The following ANKRD28 variants were observed in gnomAD, a reference collection of about 807,000 sequenced individuals.
ANKRD28 encodes the protein ankyrin repeat domain 28, also known as serine/threonine-protein phosphatase 6 regulatory ankyrin repeat subunit A.
A neutral mutation model predicts 126.5 loss-of-function variants in ANKRD28; 44 were observed. That is an observed-to-expected ratio of 0.35 (90% CI 0.27 to 0.45). The LOEUF is 0.45. Among genes scored for constraint, ANKRD28 ranks in the 20% least tolerant of loss-of-function variants. The pLI, the probability that ANKRD28 is intolerant of heterozygous loss-of-function variation, is 1.00. For missense variants in ANKRD28, 1,110 were observed against 1,316.6 expected, an observed-to-expected ratio of 0.84 and a Z score of 2.43; for synonymous variants, 442 against 468.5, an observed-to-expected ratio of 0.94 and a Z score of 0.73.
chr3:15,794,428 C>T (rs549708219), intron 2 of ANKRD28, among the ~76,000 whole-genome samples: 2 of 152,210 alleles, frequency 1.3e-5, no homozygotes, highest in African/African-American at 4.8e-5. Flanking sequence ...GGTGTTGCCA[C>T]AGCGACTTTG....
At chr3:15,803,936 C>T (rs566793647) in intron 1 of ANKRD28, among the ~76,000 whole-genome samples, 1 of 145,194 alleles carries the variant, frequency 6.9e-6, no homozygotes, top group South Asian at 2.3e-4. Flanking sequence ...AAGTTGCCTA[C>T]ATCTAGGTGA....
intron 10 of ANKRD28, 54 bp from the exon 11 acceptor site, chr3:15,712,276 T>A (rs1225497867): frequency 1.5e-6 from 2 of 1,368,568 alleles, no homozygotes; most frequent in Non-Finnish European, 2.0e-6. Flanking sequence ...AAAAATACAA[T>A]CAGTTAAATA....
In ANKRD28 at chr3:15,823,346, G is replaced by A. The variant is rs192061080; in HGVS notation, c.28-28040C>T. On this transcript the variant is annotated intron_variant, in intron 1 of 27. Coordinates refer to the ANKRD28 transcript ENST00000399451. ...GTGCAGCCAGTTCCTAATGGGCCGT[G>A]GACCATCTGTGGCCTGGCAGTCGCG... 3.3e-4 allele frequency among the ~76,000 whole-genome samples: 50 copies of A among 152,214 alleles called. 1 individual carries two copies. Among genetic ancestry groups the A allele is most frequent in the Admixed American group, 6.5e-4 (10 of 15,302 alleles).
chr3:15,854,771 C>T lies in ANKRD28; in HGVS notation c.27+4606G>A, dbSNP rs1308065667. On this transcript the variant is annotated intron_variant, in intron 1 of 27. Transcript: ENST00000399451. This position sits in a 1 kb window ranked among gnomAD's most constrained non-coding sequence, Gnocchi z 4.1. The stretch of plus-strand genomic sequence containing the variant: ...CTCCAGCACAAAACAGGAAGACACG[C>T]CAGGCATGGTGGCTCACGCCTGTAA... Among the ~76,000 whole-genome samples the T allele has an allele frequency of 4.6e-5, 7 of 152,040 alleles. No individual in the cohort carries two copies. The highest frequency in any genetic ancestry group is 1.7e-4 in the African/African-American group (7 of 41,392).
upstream of ANKRD28, among the ~76,000 whole-genome samples, chr3:15,802,054 C>T (rs2125855225): frequency 6.6e-6 from 1 of 152,314 alleles, no homozygotes; most frequent in East Asian, 1.9e-4. Flanking sequence ...GTCCATTCCT[C>T]CAGGCTTCCA....
Position 15,695,186 on chromosome 3 carries a change from A to T in ANKRD28, c.1686+2T>A. Reference sequence around the variant, plus strand: ...GGTGGGAGGGAATTGACTAATACTTACAACATCTAGAGGAGTTTCACTTGC... The same window carrying T: ...GGTGGGAGGGAATTGACTAATACTTTCAACATCTAGAGGAGTTTCACTTGC... On this transcript the variant is annotated splice_donor_variant, in intron 16 of 27. Coordinates refer to ENST00000683139, the MANE Select transcript of ANKRD28 (RefSeq NM_001349278.2). LOFTEE classifies it high-confidence loss of function. 6.3e-7 allele frequency: 1 copy of T among 1,595,028 alleles called. No homozygotes were observed. The highest frequency in any genetic ancestry group is 8.6e-7 in the Non-Finnish European group (1 of 1,167,790).
Position 15,696,130 on chromosome 3 carries a change from T to C in ANKRD28, c.1659+4A>G. 1.3e-6 allele frequency: 2 copies of C among 1,552,108 alleles called. No homozygotes were observed. The highest frequency in any genetic ancestry group is 1.3e-5 in the African/African-American group (1 of 74,218). Reference sequence around the variant, plus strand: ...GGTCTTTCACAAGAATTCAGGAATCTTACCAGCTGAAGACATAGACGGTGA... The same window carrying C: ...GGTCTTTCACAAGAATTCAGGAATCCTACCAGCTGAAGACATAGACGGTGA... On this transcript the variant is annotated splice_donor_region_variant and intron_variant, in intron 15 of 27. Coordinates refer to ENST00000683139, the MANE Select transcript of ANKRD28 (RefSeq NM_001349278.2).
Position 15,696,212 on chromosome 3 carries a change from A to T in ANKRD28, c.1581T>A (p.Asn527Lys). 1 of 1,590,302 alleles carries T rather than the reference A, an allele frequency of 6.3e-7. No homozygotes were observed. The highest frequency in any genetic ancestry group is 2.3e-5 in the East Asian group (1 of 44,332). The change falls in exon 15 of 28, where the codon AAT becomes AAA. Residue 527 changes from asparagine (N) to lysine (K), a missense_variant. Asn to Lys is a moderately conservative substitution (Grantham distance 94). Coordinates refer to ENST00000683139, the MANE Select transcript of ANKRD28 (RefSeq NM_001349278.2). The stretch of plus-strand genomic sequence containing the variant: ...ATCCTTGCTTATCACGGATCCCTGG[A>T]TTTGCATCGTTTCTTAATAAGTATT... The part of the protein sequence containing the change: ...CLEYLLRNDA[N>K]PGIRDKQGYN...
At chr3:15,720,833 T>A in intron 8 of ANKRD28, 82 bp downstream of exon 8, 2 of 1,249,050 alleles carry the variant, frequency 1.6e-6, no homozygotes, top group East Asian at 4.8e-5. Context: ...ATATTCCTTT[T>A]TATTGCTCAA....
chr3:15,730,430 C>A (rs757459782), intron 6 of ANKRD28, among the ~76,000 whole-genome samples: 2 of 152,108 alleles, frequency 1.3e-5, no homozygotes, highest in Non-Finnish European at 2.9e-5. Context: ...AGGAAATTAA[C>A]GGAGCCTCAA....
chr3:15,831,146 G>A (rs1366078137), intron 1 of ANKRD28, among the ~76,000 whole-genome samples: 1 of 152,076 alleles, frequency 6.6e-6, no homozygotes, highest in African/African-American at 2.4e-5. Flanking sequence ...TAATTTAACT[G>A]CTTTGCTGAG....
In ANKRD28 at chr3:15,670,415, G is replaced by A; in HGVS notation, c.3107C>T (p.Thr1036Ile). The change falls in exon 28 of 28, where the codon ACC (threonine) becomes ATC (isoleucine). Residue 1036 changes from threonine to isoleucine, a missense_variant. By Grantham distance (89) the Thr-to-Ile change is moderately conservative. Transcript: ENST00000683139. ...TFNAINRYTN[T>I]SKTVSFEALP... is the part of the protein sequence containing the mutation. ...AGCTTCAAAGCTGACTGTTTTTGAG[G>A]TGTTGGTATAACGGTTAATGGCATT... 8 of 1,613,952 alleles carry A rather than the reference G, an allele frequency of 5.0e-6. No homozygotes were observed. The highest frequency in any genetic ancestry group is 3.3e-5 in the South Asian group (3 of 91,080).
chr3:15,847,678 C>CTATCAATT (rs1478005771), intron 1 of ANKRD28, among the ~76,000 whole-genome samples: 2 of 152,204 alleles, frequency 1.3e-5, no homozygotes, highest in African/African-American at 4.8e-5. Context: ...TTATCAAGTC[C>CTATCAATT]TATCAATTTT....
intron 2 of ANKRD28, among the ~76,000 whole-genome samples, chr3:15,794,201 C>A (rs1252039759): frequency 2.0e-5 from 3 of 152,000 alleles, no homozygotes; most frequent in Non-Finnish European, 4.4e-5. Flanking sequence ...CTGTTCATTA[C>A]CCAATGTTAA....
At chr3:15,829,281 C>T (rs1003309431) in intron 1 of ANKRD28, among the ~76,000 whole-genome samples, 4 of 152,042 alleles carry the variant, frequency 2.6e-5, no homozygotes, top group Non-Finnish European at 4.4e-5. Flanking sequence ...TCTGGCTTAA[C>T]AGAAAATAGG....
At chr3:15,737,795 T>C (rs932421943) in intron 4 of ANKRD28, among the ~76,000 whole-genome samples, 7 of 151,882 alleles carry the variant, frequency 4.6e-5, no homozygotes, top group Non-Finnish European at 7.4e-5. Flanking sequence ...TTTTAAGCAA[T>C]AGATTTTTTA....
At chr3:15,771,771 A>G (rs2059023207) in intron 2 of ANKRD28, among the ~76,000 whole-genome samples, 1 of 152,248 alleles carries the variant, frequency 6.6e-6, no homozygotes, top group Non-Finnish European at 1.5e-5. Flanking sequence ...CACTTGAAAC[A>G]TTTAGATAAA....
intron 14 of ANKRD28, chr3:15,697,371 A>C (rs1389215264): frequency 1.3e-5 from 2 of 152,212 alleles, no homozygotes; most frequent in African/African-American, 2.4e-5. Flanking sequence ...CATTGGATAC[A>C]GTGTACATTG....
intron 1 of ANKRD28, among the ~76,000 whole-genome samples, chr3:15,818,703 T>G (rs1281374519): frequency 1.3e-5 from 2 of 152,196 alleles, no homozygotes; most frequent in African/African-American, 4.8e-5. Context: ...TTAATATTTT[T>G]GGACCATAAT....
Sources: allele counts gnomAD v4.1 joint callset (sites outside exome capture counted in the v4.1 genomes callset), GRCh38; gene constraint gnomAD v4.1.1; non-coding constraint Gnocchi (gnomAD v3.1); transcripts MANE v1.5; gene names NCBI Gene and HGNC (gene_info 2026-07-23, HGNC 2026-07-21).